Variants in ZNF418 observed in about 807,000 individuals in gnomAD.
ZNF418 encodes zinc finger protein 418.
In ZNF418, 32 loss-of-function variants were observed where a neutral mutation model predicts 32.0. That is an observed-to-expected ratio of 1.00 (90% CI 0.75 to 1.34). The LOEUF (loss-of-function observed/expected upper bound fraction) is 1.34. Among genes scored for constraint, ZNF418 ranks in the 40% most tolerant of loss-of-function variants. The pLI is 0.00. For synonymous variants in ZNF418, 276 were observed against 270.7 expected (o/e 1.02, Z -0.19); for missense variants, 804 against 812.5 (o/e 0.99, Z 0.13).
In ZNF418 at chr19:57,933,811, C is replaced by G. The variant is rs2072579312; in HGVS notation, c.6+6G>C. The G allele has an allele frequency of 6.2e-7, 1 of 1,614,068 alleles. No homozygotes were observed. The highest frequency in any genetic ancestry group is 8.5e-7 in the Non-Finnish European group (1 of 1,179,980). ...TTACTCATTAATATGGTCCAGTAAC[C>G]CTCACCTGCATTATGGCAGGAGTTT... On this transcript the variant is annotated splice_donor_region_variant and intron_variant, in intron 2 of 5. Transcript: ENST00000396147.
chr19:57,932,429 C>T, intron 2 of ZNF418: 7 of 1,535,254 alleles, frequency 4.6e-6, no homozygotes, highest in Non-Finnish European at 6.1e-6. Context: ...TCCAATATTA[C>T]CACAGAATTC....
In ZNF418 at chr19:57,925,826, G is replaced by C. The variant is rs1185003443; in HGVS notation, c.*324C>G. 3.7e-6 allele frequency: 1 copy of C among 266,742 alleles called. No individual in the cohort carries two copies. The highest frequency in any genetic ancestry group is 7.1e-6 in the Non-Finnish European group (1 of 140,418). 16.5% of individuals were successfully genotyped at this position (266,742 alleles called of 1,614,324 possible). The stretch of plus-strand genomic sequence containing the variant: ...TAATTGAGTTTATGCAGATGCTGAA[G>C]GTATGTCAATTTAGGCAGATGGCTC... On this transcript the variant is annotated 3_prime_UTR_variant, in exon 4 of 6. Coordinates refer to ENST00000396147, the MANE Select transcript of ZNF418 (RefSeq NM_133460.3).
At chr19:57,929,471 G>C (rs2072390594) in intron 3 of ZNF418, among the ~76,000 whole-genome samples, 1 of 152,148 alleles carries the variant, frequency 6.6e-6, no homozygotes. Flanking sequence ...AGATAGGGCA[G>C]AACTGGGGCA....
chr19:57,926,717 C>T lies in ZNF418; in HGVS notation c.1464G>A (p.Gly488=). 1 of 1,613,326 alleles carries T rather than the reference C, an allele frequency of 6.2e-7. No individual in the cohort carries two copies. Residue 488 remains glycine, a synonymous_variant, in exon 4 of 6, where the codon GGG becomes GGA. Transcript: ENST00000396147. ...ACCCAGAGCTGTCTTGAAATGATTT[C>T]CCACATTCATTACATTCATATGGCC... ...GERPYECNEC[G]KSFQDSSGFR...
At position 57,927,838 on chromosome 19, in the gene ZNF418, A is replaced by T. The variant is rs780424443; in HGVS notation, c.343T>A (p.Trp115Arg). 1.4e-5 allele frequency: 22 copies of T among 1,613,758 alleles called. No individual in the cohort carries two copies. Residue 115 changes from tryptophan (W) to arginine (R), a missense_variant, in exon 4 of 6, where the codon TGG becomes AGG. Coordinates refer to ENST00000396147, the MANE Select transcript of ZNF418 (RefSeq NM_133460.3). ...GAACTATCATACAATTTATTCCCCCATGCCTCACACCTGTGCAGTTTCTGC... is the reference window on the plus strand; with the variant it reads ...GAACTATCATACAATTTATTCCCCCTTGCCTCACACCTGTGCAGTTTCTGC... ...HKQKLHRCEA[W>R]GNKLYDSSNR... is the part of the protein sequence containing the mutation.
intron 4 of ZNF418, among the ~76,000 whole-genome samples, chr19:57,923,874 C>A (rs994898303): frequency 5.9e-5 from 9 of 152,132 alleles, no homozygotes; most frequent in African/African-American, 2.2e-4. Context: ...CCGTGCCTGG[C>A]CACTTTCATG....
Position 57,926,939 on chromosome 19 carries a change from C to T in ZNF418, c.1242G>A (p.Arg414=), listed in dbSNP as rs769649392. ...CTCCAGTGTGACCTCGCTGATGGTT[C>T]CTAAGGTGTCCCTTTCGACTAAAAG... ...GKSFSRKGHL[R]NHQRGHTGER... is the part of the protein sequence containing the mutation. Residue 414 remains arginine, a synonymous_variant, in exon 4 of 6, where the codon AGG becomes AGA. Transcript: ENST00000396147. 1 of 1,609,232 alleles carries T rather than the reference C, an allele frequency of 6.2e-7. No homozygotes were observed. Among genetic ancestry groups the T allele is most frequent in the Admixed American group, 1.7e-5 (1 of 59,518 alleles).
chr19:57,928,028 T>G lies in ZNF418; in HGVS notation c.153A>C (p.Glu51Asp), dbSNP rs2072323389. The G allele has an allele frequency of 6.5e-7, 1 of 1,543,578 alleles. No individual in the cohort carries two copies. The highest frequency in any genetic ancestry group is 2.3e-5 in the East Asian group (1 of 44,082). ...ISSLGCWCGS[E>D]DEEAPSKKSI... The stretch of plus-strand genomic sequence containing the variant: ...TCTTCTTAGAAGGTGCCTCCTCATC[T>G]TCTGATCCACACCAACAACCTGAAA... The change falls in exon 4 of 6, where the codon GAA becomes GAC. Residue 51 changes from glutamate to aspartate, a missense_variant. Physicochemically the swap from Glu to Asp is conservative, Grantham distance 45. This residue lies in a region of ZNF418 where 307 missense variants were observed against 304.9 expected (regional missense o/e 1.01). Transcript: ENST00000396147.
Position 57,927,013 on chromosome 19 carries a change from G to T in ZNF418, c.1168C>A (p.Arg390=). The change falls in exon 4 of 6, where the codon CGA becomes AGA. Residue 390 remains arginine, a synonymous_variant. Coordinates refer to ENST00000396147, the MANE Select transcript of ZNF418 (RefSeq NM_133460.3). Reference sequence around the variant, plus strand: ...TAAGGTCGTTCTCTAGTGTGAACTCGATGATGTTCAGTTAGGGTGCCCTTT... The same window carrying T: ...TAAGGTCGTTCTCTAGTGTGAACTCTATGATGTTCAGTTAGGGTGCCCTTT... ...SQKGTLTEHH[R]VHTRERPYEC... 1 of 1,613,876 alleles carries T rather than the reference G, an allele frequency of 6.2e-7. No homozygotes were observed. The highest frequency in any genetic ancestry group is 1.1e-5 in the South Asian group (1 of 91,066).
At chr19:57,924,675 C>A (rs2072142790) in intron 4 of ZNF418, among the ~76,000 whole-genome samples, 1 of 152,152 alleles carries the variant, frequency 6.6e-6, no homozygotes. Flanking sequence ...GATATCAGAG[C>A]ACATGGCTGC....
At position 57,927,028 on chromosome 19, in the gene ZNF418, G is replaced by T. The variant is rs779969394; in HGVS notation, c.1153C>A (p.Leu385Ile). The T allele has an allele frequency of 1.9e-6, 3 of 1,614,008 alleles. No individual in the cohort carries two copies. The highest frequency in any genetic ancestry group is 1.7e-6 in the Non-Finnish European group (2 of 1,180,014). Reference protein sequence around the residue: ...CGKCFSQKGTLTEHHRVHTRE... With the variant: ...CGKCFSQKGTITEHHRVHTRE... ...GTGTGAACTCGATGATGTTCAGTTA[G>T]GGTGCCCTTTTGACTAAAACATTTT... The change falls in exon 4 of 6, where the codon CTA becomes ATA. Residue 385 changes from leucine (L) to isoleucine (I), a missense_variant. This residue lies in a region of ZNF418 where 475 missense variants were observed against 458.6 expected (regional missense o/e 1.04). Coordinates refer to ENST00000396147, the MANE Select transcript of ZNF418 (RefSeq NM_133460.3).
intron 2 of ZNF418, among the ~76,000 whole-genome samples, chr19:57,933,502 C>T (rs989423510): frequency 6.6e-6 from 1 of 152,176 alleles, no homozygotes; most frequent in Non-Finnish European, 1.5e-5. Flanking sequence ...GCCGATGGAT[C>T]ACGAGGTCAG....
chr19:57,931,464 A>T (rs1412593875), intron 2 of ZNF418, among the ~76,000 whole-genome samples: 1 of 152,210 alleles, frequency 6.6e-6, no homozygotes, highest in Non-Finnish European at 1.5e-5. Context: ...GGCCTCCCAT[A>T]GTGCTGGGAT....
chr19:57,928,775 C>T (rs147192180), intron 3 of ZNF418, among the ~76,000 whole-genome samples: 16,348 of 151,824 alleles, frequency 0.11, 1,165 homozygotes, highest in East Asian at 0.35. Context: ...GGGTGGATCA[C>T]GAGGTCAGGA....
In ZNF418 at chr19:57,932,434, G is replaced by A. The variant is rs769541429; in HGVS notation, c.6+1383C>T. The A allele has an allele frequency of 2.0e-6, 3 of 1,535,332 alleles. No homozygotes were observed. The East Asian group carries it at 7.3e-5, about 38-fold the overall frequency. On this transcript the variant is annotated intron_variant, in intron 2 of 5. Transcript: ENST00000396147. The stretch of plus-strand genomic sequence containing the variant: ...TCAAACAGGATCCAATATTACCACA[G>A]AATTCTCATGGCTCCCAATAGCAAT...
chr19:57,934,738 C>T (rs1387535482), intron 1 of ZNF418: 2 of 229,298 alleles, frequency 8.7e-6, no homozygotes, highest in Non-Finnish European at 1.7e-5. Flanking sequence ...CCCTAAGGTC[C>T]TCATCTCCTC....
chr19:57,929,067 T>A (rs990273577), intron 3 of ZNF418, among the ~76,000 whole-genome samples: 8 of 152,120 alleles, frequency 5.3e-5, no homozygotes, highest in Non-Finnish European at 7.4e-5. Context: ...TATGCCAGTA[T>A]CGGACAGCAC....
rs202221327 is a variant in ZNF418, at chr19:57,923,533, T to C, written c.*528-244A>G. Among the ~76,000 whole-genome samples the C allele has an allele frequency of 5.1e-5, 7 of 136,014 alleles. No individual in the cohort carries two copies. In the East Asian group the frequency reaches 6.1e-4, roughly 12 times the overall value. The allele number at this position is 136,014 out of a possible 152,430, so 89.2% of individuals were successfully genotyped here. A position where few individuals can be genotyped will look rare whatever the true frequency, so the allele number is the denominator to read the frequency against. ...ACACATATATACATATATACATATA[T>C]ATACATACACACACACACACACACA... On this transcript the variant is annotated intron_variant, in intron 4 of 5. Coordinates refer to ENST00000396147, the MANE Select transcript of ZNF418 (RefSeq NM_133460.3).
At position 57,927,649 on chromosome 19, in the gene ZNF418, C is replaced by A; in HGVS notation, c.532G>T (p.Glu178Ter). 6.2e-7 allele frequency: 1 copy of A among 1,614,006 alleles called. No homozygotes were observed. The highest frequency in any genetic ancestry group is 8.5e-7 in the Non-Finnish European group (1 of 1,179,906). ...FLPSSGLLLQ[E>*]ATHTGEKSNS... is the part of the protein sequence containing the mutation. ...GACTTCTCCCCAGTGTGAGTGGCCT[C>A]CTGCAGCAGTAATCCTGAGCTGGGC... Residue 178 changes from glutamate to a stop codon, truncating the protein, a stop_gained, in exon 4 of 6, where the codon GAG (glutamate) becomes TAG (stop). Coordinates refer to ENST00000396147, the MANE Select transcript of ZNF418 (RefSeq NM_133460.3). LOFTEE classifies it high-confidence loss of function.
Sources: allele counts gnomAD v4.1 joint callset (sites outside exome capture counted in the v4.1 genomes callset), GRCh38; gene constraint gnomAD v4.1.1; regional missense constraint gnomAD v4.1.1; transcripts MANE v1.5; gene names NCBI Gene and HGNC (gene_info 2026-07-23, HGNC 2026-07-21).